The following LACTBL1 variants were observed in gnomAD, a reference collection of about 807,000 sequenced individuals.
LACTBL1 encodes the protein lactamase beta like 1, also known as beta-lactamase-like protein 1.
In LACTBL1, 29 loss-of-function variants were observed where a neutral mutation model predicts 39.6. The ratio of observed to expected loss-of-function variants is 0.73; its 90% confidence interval spans 0.55 to 1.00. The LOEUF is 1.00. Ranked by LOEUF, LACTBL1 falls within the 50% of genes least tolerant of loss-of-function variation. The pLI is 0.00. For synonymous variants in LACTBL1, 361 were observed against 360.7 expected (o/e 1.00, Z -0.01); for missense variants, 711 against 748.5 (o/e 0.95, Z 0.59).
exon 6 of LACTBL1, chr1:22,953,499 G>T: frequency 1.6e-6 from 2 of 1,231,784 alleles, no homozygotes; most frequent in Non-Finnish European, 2.0e-6. Flanking sequence ...CCACCAGGTC[G>T]GGCCCGGGCG....
At chr1:22,956,776 C>T (rs964709070) in intron 4 of LACTBL1, among the ~76,000 whole-genome samples, 15 of 152,058 alleles carry the variant, frequency 9.9e-5, no homozygotes, top group African/African-American at 3.6e-4. Flanking sequence ...GCTCCTGCCC[C>T]CAACCTTGTC....
chr1:22,955,497 C>T (rs1341196982), intron 4 of LACTBL1, 71 bp from the exon 7 acceptor site: 7 of 918,978 alleles, frequency 7.6e-6, no homozygotes, highest in Non-Finnish European at 1.2e-5. Context: ...GGGTGCACTC[C>T]CTCCCCACCT....
chr1:22,963,323 G>C, intron 1 of LACTBL1, 107 bp from the exon 4 acceptor site: 1 of 537,296 alleles, frequency 1.9e-6, no homozygotes, highest in Non-Finnish European at 3.0e-6. Flanking sequence ...GCCCTCCCCA[G>C]CCGAGCCGAG....
At chr1:22,964,900 C>CGGAA (rs1640861809) in intron 1 of LACTBL1, among the ~76,000 whole-genome samples, 1 of 152,152 alleles carries the variant, frequency 6.6e-6, no homozygotes, top group African/African-American at 2.4e-5. Flanking sequence ...TGAGTTGTTC[C>CGGAA]TATTGAGGTC....
chr1:22,959,330 C>T (rs572273822), intron 3 of LACTBL1, among the ~76,000 whole-genome samples: 3 of 152,332 alleles, frequency 2.0e-5, no homozygotes, highest in Non-Finnish European at 2.9e-5. Context: ...TGCCTGTCTA[C>T]GTTCCTAGGA....
At chr1:22,962,131 C>G (rs969058496) in intron 2 of LACTBL1, among the ~76,000 whole-genome samples, 1 of 152,128 alleles carries the variant, frequency 6.6e-6, no homozygotes, top group Non-Finnish European at 1.5e-5. Context: ...ATGGCAATGG[C>G]GCATTCCAGG....
rs190941363 is a variant in LACTBL1 at position 22,959,301 on chromosome 1, C to T, written c.318-381G>A. ...CGGTTGTATTAATAAAAGAATGGAA[C>T]GAGGTTGTGCATGCAAAGTGCCTGT... On this transcript the variant is annotated intron_variant, in intron 3 of 5. Transcript: ENST00000426928. Among the ~76,000 whole-genome samples the T allele has an allele frequency of 7.9e-5, 12 of 152,312 alleles. No homozygotes were observed. The East Asian group carries it at 9.6e-4, about 12-fold the overall frequency.
intron 3 of LACTBL1, 73 bp from the exon 6 acceptor site, chr1:22,958,993 C>CTGCAACT: frequency 2.0e-6 from 2 of 982,434 alleles, no homozygotes; most frequent in Non-Finnish European, 3.0e-6. Flanking sequence ...TGCCCCCATC[C>CTGCAACT]TGCAACTTTT....
exon 4 of LACTBL1, chr1:22,958,727 G>A: frequency 1.3e-6 from 2 of 1,550,466 alleles, no homozygotes; most frequent in Non-Finnish European, 1.7e-6. Context: ...ACAGGTGAAG[G>A]CCTTGGGGCG....
chr1:22,971,914 T>C, the LACTBL1 span, among the ~76,000 whole-genome samples: 1 of 151,968 alleles, frequency 6.6e-6, no homozygotes, highest in Admixed American at 6.6e-5. Context: ...AGAGGTGTAA[T>C]AAAGGGCTTC....
exon 4 of LACTBL1, chr1:22,958,902 C>A: frequency 6.5e-7 from 1 of 1,548,814 alleles, no homozygotes; most frequent in Non-Finnish European, 8.7e-7. Context: ...CAGGAAAGAT[C>A]TTGGAGATGC....
the LACTBL1 span, among the ~76,000 whole-genome samples, chr1:22,970,655 A>G: frequency 3.3e-5 from 5 of 152,046 alleles, no homozygotes; most frequent in Non-Finnish European, 5.9e-5. Flanking sequence ...AAAAAAATAG[A>G]AAAAAATTGC....
chr1:22,969,949 A>T (rs564874034), upstream of LACTBL1, among the ~76,000 whole-genome samples: 22 of 152,318 alleles, frequency 1.4e-4, no homozygotes, highest in African/African-American at 3.6e-4. Context: ...TTTGAACTTT[A>T]CATGGTTCTG....
intron 2 of LACTBL1, among the ~76,000 whole-genome samples, chr1:22,962,550 G>A (rs963356762): frequency 8.5e-5 from 13 of 152,184 alleles, no homozygotes; most frequent in African/African-American, 2.4e-4. Context: ...TAATCATATC[G>A]CGGTGGCCTC....
At position 22,957,944 on chromosome 1, in the gene LACTBL1, G is replaced by A. The variant is rs757460709; in HGVS notation, c.553+741C>T. 3.7e-4 allele frequency among the ~76,000 whole-genome samples: 57 copies of A among 152,164 alleles called. 1 individual carries two copies. Among genetic ancestry groups the A allele is most frequent in the African/African-American group, 1.3e-3 (54 of 41,532 alleles). ...TGGGATTAAAGGCGTGAGCCACCAC[G>A]CCCAGCCCTTAATATTCTTAAGAGT... On this transcript the variant is annotated intron_variant, in intron 4 of 5. Transcript: ENST00000426928.
chr1:22,964,908 G>A (rs1488977549), intron 1 of LACTBL1, among the ~76,000 whole-genome samples: 1 of 152,204 alleles, frequency 6.6e-6, no homozygotes, highest in Non-Finnish European at 1.5e-5. Context: ...TCCTATTGAG[G>A]TCTTAGATAC....
At chr1:22,965,290 C>T (rs1640865524) in exon 1 of LACTBL1, 6 of 1,315,740 alleles carry the variant, frequency 4.6e-6, no homozygotes, top group South Asian at 4.9e-5. Flanking sequence ...CTGCACTCAC[C>T]GGTCTTCAGC....
intron 5 of LACTBL1, among the ~76,000 whole-genome samples, chr1:22,954,543 C>G (rs901912274): frequency 1.3e-5 from 2 of 152,192 alleles, no homozygotes; most frequent in African/African-American, 4.8e-5. Flanking sequence ...TGAAAATTCA[C>G]AAATTCTCCT....
At chr1:22,958,885 A>G in exon 4 of LACTBL1, 1 of 1,550,412 alleles carries the variant, frequency 6.4e-7, no homozygotes, top group Non-Finnish European at 8.7e-7. Flanking sequence ...ACGGTACAGC[A>G]TGAGGACAGG....
Sources: allele counts gnomAD v4.1 joint callset (sites outside exome capture counted in the v4.1 genomes callset), GRCh38; gene constraint gnomAD v4.1.1; transcripts MANE v1.5; gene names NCBI Gene and HGNC (gene_info 2026-07-23, HGNC 2026-07-21).